The following DPP6 variants were observed in gnomAD, a reference collection of about 807,000 sequenced individuals.
DPP6 encodes A-type potassium channel modulatory protein DPP6.
A neutral mutation model predicts 122.6 loss-of-function variants in DPP6; 69 were observed. The ratio of observed to expected loss-of-function variants is 0.56; its 90% CI spans 0.46 to 0.69. The LOEUF (loss-of-function observed/expected upper bound fraction) is 0.69. Ranked by LOEUF, DPP6 falls within the 30% of genes least tolerant of loss-of-function variation. The pLI is 0.00. For missense variants in DPP6, 928 were observed against 1,116.9 expected (o/e 0.83, Z 2.41); for synonymous variants, 418 against 433.1 (o/e 0.97, Z 0.43).
At chr7:154,503,471 G>A (rs1261569731) in intron 3 of DPP6, among the ~76,000 whole-genome samples, 1 of 152,160 alleles carries the variant, frequency 6.6e-6, no homozygotes, top group African/African-American at 2.4e-5. Flanking sequence ...TGGAGGCAAG[G>A]TGGGCTCTCT....
At chr7:154,285,777 T>C (rs1246332989) in intron 1 of DPP6, among the ~76,000 whole-genome samples, 1 of 152,230 alleles carries the variant, frequency 6.6e-6, no homozygotes, top group East Asian at 1.9e-4. Flanking sequence ...TTCAGCACTA[T>C]TACTGCTGTG....
chr7:154,090,578 A>G (rs1162664345), intron 1 of DPP6, among the ~76,000 whole-genome samples: 2 of 152,148 alleles, frequency 1.3e-5, no homozygotes, highest in Non-Finnish European at 2.9e-5. Flanking sequence ...TGGGAATACA[A>G]AGCCACCACC....
At chr7:154,520,787 C>G (rs142633195) in intron 3 of DPP6, among the ~76,000 whole-genome samples, 165 of 152,308 alleles carry the variant, frequency 1.1e-3, no homozygotes, top group Non-Finnish European at 2.0e-3. Flanking sequence ...TCTAGTAAGA[C>G]CTCCTCACAT....
At chr7:153,902,953 T>C (rs1220143829) in intron 1 of DPP6, among the ~76,000 whole-genome samples, 1 of 152,198 alleles carries the variant, frequency 6.6e-6, no homozygotes, top group Non-Finnish European at 1.5e-5. Flanking sequence ...TTCTAGCTTG[T>C]ATTAGTCCTT....
chr7:153,829,381 A>C, the DPP6 span, among the ~76,000 whole-genome samples: 1 of 151,804 alleles, frequency 6.6e-6, no homozygotes, highest in African/African-American at 2.4e-5. Context: ...ATGCCTGGCT[A>C]ATTTTTGTAT....
intron 1 of DPP6, among the ~76,000 whole-genome samples, chr7:154,373,634 T>C (rs1179414888): frequency 6.6e-6 from 1 of 152,218 alleles, no homozygotes; most frequent in Non-Finnish European, 1.5e-5. Flanking sequence ...TAGTAGAGCA[T>C]GCATACTAAC....
the DPP6 span, among the ~76,000 whole-genome samples, chr7:153,759,353 C>T: frequency 6.6e-6 from 1 of 151,674 alleles, no homozygotes; most frequent in South Asian, 2.1e-4. Flanking sequence ...CAGTCTCGCT[C>T]TGTCACCCAG....
At chr7:153,918,978 C>CAAAAAAAAAAAAAAAAA (rs386411718) in intron 1 of DPP6, among the ~76,000 whole-genome samples, 1 of 89,346 alleles carries the variant, frequency 1.1e-5, no homozygotes, top group Non-Finnish European at 2.1e-5. Context: ...GACTCTGTCT[C>CAAAAAAAAAAAAAAAAA]AAAAAAAAAA....
chr7:154,742,993 C>T lies in DPP6; in HGVS notation c.883+15106C>T, dbSNP rs114640266. 2.9e-3 allele frequency among the ~76,000 whole-genome samples: 449 copies of T among 152,320 alleles called. 7 individuals are homozygous for T. The highest frequency in any genetic ancestry group is 9.6e-3 in the African/African-American group (401 of 41,578). ...TTCTTTGACTCTTCAGGGAGCATAACGTACCATCCTTTGATGGTCATACAC... is the reference window on the plus strand; with the variant it reads ...TTCTTTGACTCTTCAGGGAGCATAATGTACCATCCTTTGATGGTCATACAC... On this transcript the variant is annotated intron_variant, in intron 8 of 25. Coordinates refer to ENST00000377770, the MANE Select transcript of DPP6 (RefSeq NM_130797.4).
At chr7:153,826,114 G>A in the DPP6 span, among the ~76,000 whole-genome samples, 6 of 152,186 alleles carry the variant, frequency 3.9e-5, no homozygotes, top group Admixed American at 6.5e-5. Context: ...GTGACCCATC[G>A]GAAAGTGCTT....
intron 1 of DPP6, among the ~76,000 whole-genome samples, chr7:154,426,266 C>G (rs1655526577): frequency 6.6e-6 from 1 of 152,130 alleles, no homozygotes; most frequent in Non-Finnish European, 1.5e-5. Flanking sequence ...AAGAATTTAA[C>G]ATTTTGGCTT....
chr7:153,837,942 G>A, the DPP6 span, among the ~76,000 whole-genome samples: 2 of 148,924 alleles, frequency 1.3e-5, no homozygotes, highest in Non-Finnish European at 3.0e-5. Flanking sequence ...CCAAAGTGCC[G>A]GGATTACAGG....
At chr7:153,804,201 C>A in the DPP6 span, among the ~76,000 whole-genome samples, 1 of 151,936 alleles carries the variant, frequency 6.6e-6, no homozygotes, top group Non-Finnish European at 1.5e-5. Context: ...AGGTGTGCAC[C>A]ACCACACCCA....
chr7:154,065,865 G>A (rs1802680095), intron 1 of DPP6, among the ~76,000 whole-genome samples: 1 of 151,958 alleles, frequency 6.6e-6, no homozygotes, highest in Non-Finnish European at 1.5e-5. Context: ...TGGCCTGCAT[G>A]AGGGCTTCAG....
chr7:154,285,824 G>A (rs538626310), intron 1 of DPP6, among the ~76,000 whole-genome samples: 51 of 152,220 alleles, frequency 3.4e-4, no homozygotes, highest in African/African-American at 1.1e-3. Flanking sequence ...GATGTGTTTC[G>A]AATACGGGAA....
At chr7:153,822,821 T>C in the DPP6 span, among the ~76,000 whole-genome samples, 1 of 152,234 alleles carries the variant, frequency 6.6e-6, no homozygotes, top group African/African-American at 2.4e-5. Context: ...ATATAAATTA[T>C]AGTGTTCCTT....
At chr7:154,810,463 G>A (rs1798980824) in intron 16 of DPP6, among the ~76,000 whole-genome samples, 1 of 152,224 alleles carries the variant, frequency 6.6e-6, no homozygotes, top group Admixed American at 6.5e-5. Flanking sequence ...GCACTATAGG[G>A]TGGCTCCTGT....
intron 21 of DPP6, 78 bp downstream of exon 21, chr7:154,881,020 T>G: frequency 6.6e-7 from 1 of 1,525,566 alleles, no homozygotes; most frequent in South Asian, 1.3e-5. Flanking sequence ...TAATCCTGAT[T>G]TATTGAGAAC....
chr7:154,583,332 C>T (rs1448407324), intron 5 of DPP6, among the ~76,000 whole-genome samples: 1 of 152,220 alleles, frequency 6.6e-6, no homozygotes, highest in Non-Finnish European at 1.5e-5. Context: ...GTCTATGTGC[C>T]AATCTCCTCA....
Sources: gnomAD v4.1 joint callset for allele counts (sites outside exome capture counted in the v4.1 genomes callset) on GRCh38, gnomAD v4.1.1 for gene constraint, MANE v1.5 for transcripts, NCBI Gene and HGNC (gene_info 2026-07-23, HGNC 2026-07-21) for gene names.